The following TNFSF4 variants were observed in gnomAD, a reference collection of about 807,000 sequenced individuals.
TNFSF4 encodes the protein tumor necrosis factor ligand superfamily member 4.
A neutral mutation model predicts 7.3 loss-of-function variants in TNFSF4; 4 were observed. The observed-to-expected ratio is 0.55, with a 90% CI of 0.27 to 1.25. The LOEUF (loss-of-function observed/expected upper bound fraction) is 1.25, where lower values mean the gene tolerates loss of function less well. Among genes scored for constraint, TNFSF4 ranks in the 50% most tolerant of loss-of-function variants. TNFSF4 has a pLI of 0.12. For synonymous variants in TNFSF4, 76 were observed against 83.7 expected (o/e 0.91, Z 0.50); for missense variants, 181 against 208.8 (o/e 0.87, Z 0.82).
intron 2 of TNFSF4, 25 bp from the exon 3 acceptor site, chr1:173,186,890 T>A: frequency 1.3e-6 from 2 of 1,490,938 alleles, no homozygotes; most frequent in South Asian, 2.6e-5. Context: ...GGAAAATTTG[T>A]TTAATTAATT....
At chr1:173,353,426 G>A in the TNFSF4 span, among the ~76,000 whole-genome samples, 18 of 152,198 alleles carry the variant, frequency 1.2e-4, no homozygotes, top group African/African-American at 1.9e-4. Context: ...CTGACTTCCC[G>A]CAACACATGT....
chr1:173,308,457 G>T, the TNFSF4 span, among the ~76,000 whole-genome samples: 1 of 151,528 alleles, frequency 6.6e-6, no homozygotes, highest in African/African-American at 2.4e-5. Context: ...GTTTGTGTAT[G>T]GTGGGAGATA....
the TNFSF4 span, among the ~76,000 whole-genome samples, chr1:173,323,371 C>G: frequency 6.6e-6 from 1 of 152,158 alleles, no homozygotes; most frequent in Admixed American, 6.5e-5. Flanking sequence ...ACATCCACAC[C>G]AAAAACCCAT....
chr1:173,253,816 A>C, the TNFSF4 span, among the ~76,000 whole-genome samples: 5 of 152,342 alleles, frequency 3.3e-5, no homozygotes, highest in South Asian at 1.0e-3. Flanking sequence ...TAGAAATTTC[A>C]AAGTTACCCT....
chr1:173,242,850 C>T, the TNFSF4 span, among the ~76,000 whole-genome samples: 2 of 152,116 alleles, frequency 1.3e-5, no homozygotes, highest in African/African-American at 4.8e-5. Flanking sequence ...GACTCATGTA[C>T]TTCCAATCTA....
the TNFSF4 span, among the ~76,000 whole-genome samples, chr1:173,272,419 C>T: frequency 6.6e-6 from 1 of 151,930 alleles, no homozygotes; most frequent in Admixed American, 6.6e-5. Context: ...GAAAAAATTG[C>T]ATGCCCATTA....
chr1:173,205,456 A>G (rs1650147343), intron 1 of TNFSF4: 3 of 1,545,270 alleles, frequency 1.9e-6, no homozygotes, highest in Non-Finnish European at 2.6e-6. Flanking sequence ...TGTGACCCCA[A>G]CCACCAGCAA....
the TNFSF4 span, among the ~76,000 whole-genome samples, chr1:173,351,164 G>A: frequency 6.6e-6 from 1 of 152,120 alleles, no homozygotes; most frequent in Non-Finnish European, 1.5e-5. Context: ...CTCACATCCT[G>A]AGCCTGCCAG....
chr1:173,194,794 C>T (rs1167598905), intron 1 of TNFSF4, among the ~76,000 whole-genome samples: 5 of 148,782 alleles, frequency 3.4e-5, no homozygotes, highest in Non-Finnish European at 7.4e-5. Flanking sequence ...GCTTGGGAAG[C>T]TAAGGTGGGA....
the TNFSF4 span, among the ~76,000 whole-genome samples, chr1:173,450,650 G>A: frequency 0.95 from 143,375 of 150,764 alleles, 68,613 homozygotes; most frequent in East Asian, 1. Context: ...AATTCACCAC[G>A]TCAACAGTCT....
chr1:173,303,774 A>G, the TNFSF4 span, among the ~76,000 whole-genome samples: 1 of 151,854 alleles, frequency 6.6e-6, no homozygotes, highest in Non-Finnish European at 1.5e-5. Context: ...TAAATATTAT[A>G]TTATTCTCTA....
At chr1:173,353,263 C>T in the TNFSF4 span, among the ~76,000 whole-genome samples, 11 of 152,108 alleles carry the variant, frequency 7.2e-5, no homozygotes, top group South Asian at 8.3e-4. Flanking sequence ...TAAATATCCA[C>T]GAAATCTTCA....
chr1:173,361,436 T>C, the TNFSF4 span, among the ~76,000 whole-genome samples: 2 of 151,972 alleles, frequency 1.3e-5, no homozygotes, highest in Non-Finnish European at 2.9e-5. Context: ...CCATCTCTAC[T>C]AAAAATACAA....
chr1:173,182,678 T>C (rs1040870466), downstream of TNFSF4, among the ~76,000 whole-genome samples: 5 of 152,154 alleles, frequency 3.3e-5, no homozygotes, highest in African/African-American at 1.2e-4. Flanking sequence ...ACACAAGTGA[T>C]TACAACAAAT....
chr1:173,363,365 G>C, the TNFSF4 span: 2 of 331,394 alleles, frequency 6.0e-6, no homozygotes, highest in South Asian at 6.1e-5. Context: ...TGAGATATCA[G>C]TTCTTGATTG....
At chr1:173,265,426 G>T in the TNFSF4 span, among the ~76,000 whole-genome samples, 7 of 152,336 alleles carry the variant, frequency 4.6e-5, no homozygotes, top group South Asian at 1.5e-3. Context: ...GGGAAGGAAA[G>T]TTAGCTGCGA....
chr1:173,211,129 C>G (rs1400809935), upstream of TNFSF4, among the ~76,000 whole-genome samples: 1 of 152,228 alleles, frequency 6.6e-6, no homozygotes, highest in Admixed American at 6.5e-5. Context: ...AAGACACTTA[C>G]AGTGGCTCTT....
At chr1:173,371,187 C>T in the TNFSF4 span, among the ~76,000 whole-genome samples, 73 of 152,322 alleles carry the variant, frequency 4.8e-4, no homozygotes, top group Middle Eastern at 3.4e-3. Flanking sequence ...TAATCTCCTG[C>T]GCTGGACGGC....
At chr1:173,337,902 G>T in the TNFSF4 span, among the ~76,000 whole-genome samples, 1 of 152,170 alleles carries the variant, frequency 6.6e-6, no homozygotes, top group Non-Finnish European at 1.5e-5. Flanking sequence ...CTCACCAAAT[G>T]ATCTCAGAGA....
Sources: allele counts gnomAD v4.1 joint callset (sites outside exome capture counted in the v4.1 genomes callset), GRCh38; gene constraint gnomAD v4.1.1; transcripts MANE v1.5; gene names NCBI Gene and HGNC (gene_info 2026-07-23, HGNC 2026-07-21).